Variants in GRID1 observed in about 807,000 individuals in gnomAD.
GRID1 encodes glutamate ionotropic receptor delta type subunit 1, also known as glutamate receptor ionotropic, delta-1.
GRID1 carries 28 observed loss-of-function variants against 98.0 expected under a neutral mutation model. The observed-to-expected ratio is 0.29, with a 90% CI of 0.21 to 0.39. The LOEUF is 0.39. Ranked by LOEUF, GRID1 falls within the 10% of genes least tolerant of loss-of-function variation. The pLI, the probability that GRID1 is intolerant of heterozygous loss-of-function variation, is 1.00. For synonymous variants in GRID1, 553 were observed against 538.5 expected, an observed-to-expected ratio of 1.03 and a Z score of -0.37; for missense variants, 1,111 against 1,340.5, an observed-to-expected ratio of 0.83 and a Z score of 2.67.
In GRID1 at chr10:86,084,385, T is replaced by C. The variant is rs1232367818; in HGVS notation, c.726+54434A>G. ...GAAAAAGAAAGAAAATACGTATTGTTGAGGAGGTGAAGAAATTGGAACCCT... is the reference window on the plus strand; with the variant it reads ...GAAAAAGAAAGAAAATACGTATTGTCGAGGAGGTGAAGAAATTGGAACCCT... On this transcript the variant is annotated intron_variant, in intron 4 of 15. Transcript: ENST00000327946. Among the ~76,000 whole-genome samples, 4 of 151,984 alleles carry C rather than the reference T, an allele frequency of 2.6e-5. No homozygotes were observed. The East Asian group carries it at 7.8e-4, about 30-fold the overall frequency.
chr10:86,325,164 T>C (rs1848030089), intron 2 of GRID1, among the ~76,000 whole-genome samples: 1 of 151,316 alleles, frequency 6.6e-6, no homozygotes, highest in South Asian at 2.1e-4. Flanking sequence ...AAAAATAATA[T>C]GAAAGATTTG....
intron 5 of GRID1, among the ~76,000 whole-genome samples, chr10:85,913,786 G>A (rs2131822896): frequency 6.6e-6 from 1 of 152,246 alleles, no homozygotes; most frequent in South Asian, 2.1e-4. Context: ...CAAGACTCCA[G>A]TCTCAAAAAA....
intron 2 of GRID1, among the ~76,000 whole-genome samples, chr10:86,308,266 C>T (rs752090087): frequency 6.6e-6 from 1 of 152,216 alleles, no homozygotes; most frequent in Non-Finnish European, 1.5e-5. Context: ...CTCTGAGTGG[C>T]CAGCTGGGTC....
intron 2 of GRID1, among the ~76,000 whole-genome samples, chr10:86,349,930 C>T (rs1242288190): frequency 5.3e-5 from 8 of 152,286 alleles, no homozygotes; most frequent in Admixed American, 1.3e-4. Flanking sequence ...ACATCATTGC[C>T]GACGAGGACG....
intron 4 of GRID1, among the ~76,000 whole-genome samples, chr10:85,951,699 G>A (rs1305738823): frequency 6.6e-6 from 1 of 152,136 alleles, no homozygotes; most frequent in African/African-American, 2.4e-5. Flanking sequence ...AGACATTGCT[G>A]GTGCCCACCC....
At chr10:85,755,452 C>T (rs895381684) in intron 8 of GRID1, among the ~76,000 whole-genome samples, 2 of 152,210 alleles carry the variant, frequency 1.3e-5, no homozygotes, top group African/African-American at 2.4e-5. Flanking sequence ...ACAGAAGCTG[C>T]GTGGTCTCTT....
chr10:86,132,205 G>A (rs1215557460), intron 4 of GRID1, among the ~76,000 whole-genome samples: 2 of 152,096 alleles, frequency 1.3e-5, no homozygotes, highest in African/African-American at 2.4e-5. Context: ...CAGGGGCTTT[G>A]GAAAGATGAG....
intron 3 of GRID1, among the ~76,000 whole-genome samples, chr10:86,152,424 G>T (rs1423326738): frequency 6.6e-6 from 1 of 152,240 alleles, no homozygotes; most frequent in Non-Finnish European, 1.5e-5. Context: ...TGTCTCTGAG[G>T]CAGAGAAAGG....
intron 4 of GRID1, among the ~76,000 whole-genome samples, chr10:86,125,589 A>G (rs1844740519): frequency 6.6e-6 from 1 of 152,224 alleles, no homozygotes; most frequent in Admixed American, 6.5e-5. Flanking sequence ...CTCTTGAACA[A>G]CACAGATTGG....
chr10:86,324,114 G>A lies in GRID1; in HGVS notation c.235+39827C>T, dbSNP rs1412558253. ...GAATCGCTTGAACCCAGGACGCAGA[G>A]ATTGCAGTGAGCCGAAATTGTGCCA... On this transcript the variant is annotated intron_variant, in intron 2 of 15. Coordinates refer to ENST00000327946, the MANE Select transcript of GRID1 (RefSeq NM_017551.3). Among the ~76,000 whole-genome samples the A allele has an allele frequency of 2.0e-5, 3 of 152,096 alleles. 1 individual carries two copies. The highest frequency in any genetic ancestry group is 7.2e-5 in the African/African-American group (3 of 41,396).
At chr10:85,842,943 A>G (rs1402043752) in intron 8 of GRID1, among the ~76,000 whole-genome samples, 1 of 151,326 alleles carries the variant, frequency 6.6e-6, no homozygotes, top group Non-Finnish European at 1.5e-5. Flanking sequence ...ACAGCGAAAA[A>G]ACAAAAACAA....
intron 8 of GRID1, among the ~76,000 whole-genome samples, chr10:85,832,291 CT>C (rs1842873621): frequency 6.6e-6 from 1 of 151,524 alleles, no homozygotes; most frequent in East Asian, 1.9e-4. Context: ...AAAATACACA[CT>C]TTTTATCTCA....
intron 4 of GRID1, among the ~76,000 whole-genome samples, chr10:85,969,961 A>G (rs943632064): frequency 2.6e-5 from 4 of 152,026 alleles, no homozygotes; most frequent in Non-Finnish European, 2.9e-5. Context: ...TTATCAATTA[A>G]AAATTATAGA....
chr10:86,158,954 C>G (rs997707027), intron 3 of GRID1, among the ~76,000 whole-genome samples: 1 of 152,112 alleles, frequency 6.6e-6, no homozygotes, highest in Non-Finnish European at 1.5e-5. Context: ...AGTGCAGTGG[C>G]GCGATCTTGG....
chr10:85,847,696 T>A lies in GRID1; in HGVS notation c.1233+6800A>T, dbSNP rs187382053. ...ACAATTTATCCCAAATCCATCCCAGTTAGATGGTAGATTTTGTTGAAAAAA... is the reference window on the plus strand; with the variant it reads ...ACAATTTATCCCAAATCCATCCCAGATAGATGGTAGATTTTGTTGAAAAAA... On this transcript the variant is annotated intron_variant, in intron 8 of 15. Coordinates refer to ENST00000327946, the MANE Select transcript of GRID1 (RefSeq NM_017551.3). 7.4e-4 allele frequency among the ~76,000 whole-genome samples: 113 copies of A among 151,940 alleles called. 1 individual carries two copies. The highest frequency in any genetic ancestry group is 3.4e-3 in the Middle Eastern group (1 of 294).
At chr10:85,743,411 T>C (rs1379543859) in intron 8 of GRID1, among the ~76,000 whole-genome samples, 1 of 152,178 alleles carries the variant, frequency 6.6e-6, no homozygotes, top group African/African-American at 2.4e-5. Context: ...TAGACATTTA[T>C]AAATTATTAT....
intron 2 of GRID1, among the ~76,000 whole-genome samples, chr10:86,323,422 C>T (rs1589449264): frequency 6.6e-6 from 1 of 152,326 alleles, no homozygotes. Context: ...GCATACAAGT[C>T]AATGAAACAA....
chr10:85,672,018 A>T (rs1030692981), intron 12 of GRID1, among the ~76,000 whole-genome samples: 2 of 152,216 alleles, frequency 1.3e-5, no homozygotes, highest in African/African-American at 4.8e-5. Context: ...AGGTTTAAGG[A>T]ATGAAGCTGT....
chr10:85,897,397 G>A (rs1299749829), intron 5 of GRID1, among the ~76,000 whole-genome samples: 1 of 152,192 alleles, frequency 6.6e-6, no homozygotes, highest in Non-Finnish European at 1.5e-5. Context: ...TAGGTAAAAT[G>A]GCCTGAGCCA....
Sources: allele counts gnomAD v4.1 joint callset (sites outside exome capture counted in the v4.1 genomes callset), GRCh38; gene constraint gnomAD v4.1.1; transcripts MANE v1.5; gene names NCBI Gene and HGNC (gene_info 2026-07-23, HGNC 2026-07-21).